Variants in APBB2 observed in about 807,000 individuals in gnomAD.
The protein encoded by APBB2 is amyloid beta precursor protein binding family B member 2.
In APBB2, 38 loss-of-function variants were observed where a neutral mutation model predicts 82.5. The observed-to-expected ratio is 0.46, with a 90% CI of 0.36 to 0.60. The LOEUF (loss-of-function observed/expected upper bound fraction) is 0.60, where lower values mean the gene tolerates loss of function less well. APBB2 is among the 20% of genes least tolerant of loss of function. APBB2 has a pLI of 0.00. For synonymous variants in APBB2, 341 were observed against 368.2 expected, an observed-to-expected ratio of 0.93 and a Z score of 0.85; for missense variants, 772 against 972.3, an observed-to-expected ratio of 0.79 and a Z score of 2.74.
chr4:41,107,930 G>A (rs1747835971), intron 2 of APBB2, among the ~76,000 whole-genome samples: 1 of 152,148 alleles, frequency 6.6e-6, no homozygotes. Flanking sequence ...TGGGAGGCGG[G>A]TATAAAAGAC....
Position 40,814,971 on chromosome 4 carries a change from CTAATG to C in APBB2, c.*1116_*1120del, listed in dbSNP as rs1396316699. On this transcript the variant is annotated 3_prime_UTR_variant, in exon 18 of 18. Transcript: ENST00000508593. ...ACATAAAATCAAGGAAAGGTTCAAC[CTAATG>C]TAATTTGTTGCCATGGACAATACAT... is the stretch of plus-strand genomic sequence containing the variant. The C allele has an allele frequency of 5.3e-5, 8 of 152,160 alleles. No individual in the cohort carries two copies. The highest frequency in any genetic ancestry group is 1.9e-4 in the African/African-American group (8 of 41,416). 9.4% of individuals were successfully genotyped at this position (152,160 alleles called of 1,614,324 possible).
At position 40,907,379 on chromosome 4, in the gene APBB2, ATTTTTT is replaced by A. The variant is rs55814804; in HGVS notation, c.1255-13974_1255-13969del. ...TATATATATATATATATATATATATATTTTTTTTTTTTTTTTTTTTTAGACAGAGTC... is the reference window on the plus strand; with the variant it reads ...TATATATATATATATATATATATATATTTTTTTTTTTTTTTAGACAGAGTC... On this transcript the variant is annotated intron_variant, in intron 10 of 17. Transcript: ENST00000508593. Among the ~76,000 whole-genome samples, 111 of 37,344 alleles carry A rather than the reference ATTTTTT, an allele frequency of 3.0e-3. 2 individuals carry two copies. The highest frequency in any genetic ancestry group is 6.0e-3 in the African/African-American group (48 of 8,012). The allele number at this position is 37,344 out of a possible 152,430, so 24.5% of individuals were successfully genotyped here.
At chr4:41,019,200 T>C (rs764215959) in intron 5 of APBB2, among the ~76,000 whole-genome samples, 2 of 152,168 alleles carry the variant, frequency 1.3e-5, no homozygotes, top group Non-Finnish European at 2.9e-5. Flanking sequence ...TTTATACTTT[T>C]TAAAGATGAG....
At position 41,079,549 on chromosome 4, in the gene APBB2, ATTTTTT is replaced by A. The variant is rs36207850; in HGVS notation, c.-148-13882_-148-13877del. ...TACCAAAGTTTTGGTAGGCTCATCA[ATTTTTT>A]TTTTTTTTTTTTGAAATGGAGTCTC... On this transcript the variant is annotated intron_variant, in intron 3 of 17. Transcript: ENST00000508593. Among the ~76,000 whole-genome samples, 82 of 145,104 alleles carry A rather than the reference ATTTTTT, an allele frequency of 5.7e-4. No individual in the cohort carries two copies. In the East Asian group the frequency reaches 0.014, roughly 24 times the overall value.
intron 2 of APBB2, among the ~76,000 whole-genome samples, chr4:41,129,701 C>A (rs1196309357): frequency 6.6e-6 from 1 of 152,030 alleles, no homozygotes; most frequent in Non-Finnish European, 1.5e-5. Context: ...AAATATTTAT[C>A]AAGTACCCAG....
chr4:41,152,417 C>T (rs1387390596), intron 1 of APBB2, among the ~76,000 whole-genome samples: 3 of 151,596 alleles, frequency 2.0e-5, no homozygotes, highest in Non-Finnish European at 2.9e-5. Flanking sequence ...CCGCCTCCTG[C>T]GTTCACACCA....
At chr4:41,058,153 C>T (rs543277647) in intron 4 of APBB2, among the ~76,000 whole-genome samples, 1 of 152,274 alleles carries the variant, frequency 6.6e-6, no homozygotes, top group East Asian at 1.9e-4. Context: ...TGTCACAGGG[C>T]TTCTTAGTCC....
chr4:40,971,378 G>C (rs1487802021), intron 6 of APBB2, among the ~76,000 whole-genome samples: 1 of 152,092 alleles, frequency 6.6e-6, no homozygotes, highest in African/African-American at 2.4e-5. Context: ...TTATAGTACT[G>C]ACAAGTGCAA....
chr4:41,085,720 A>C (rs1228957963), intron 3 of APBB2, among the ~76,000 whole-genome samples: 4 of 152,362 alleles, frequency 2.6e-5, no homozygotes, highest in African/African-American at 7.2e-5. Context: ...TCATTATTTT[A>C]AAGTGCTGAC....
At chr4:41,039,766 A>T (rs1720619601) in intron 4 of APBB2, among the ~76,000 whole-genome samples, 1 of 151,934 alleles carries the variant, frequency 6.6e-6, no homozygotes, top group African/African-American at 2.4e-5. Context: ...AGGCTGAAGC[A>T]AGAGGATTGG....
intron 3 of APBB2, among the ~76,000 whole-genome samples, chr4:41,100,282 TA>T (rs1744911054): frequency 6.6e-6 from 1 of 152,192 alleles, no homozygotes; most frequent in East Asian, 1.9e-4. Context: ...TCTAAAAGTC[TA>T]AAACACCTGA....
intron 6 of APBB2, among the ~76,000 whole-genome samples, chr4:40,949,599 A>G (rs1789508876): frequency 6.6e-6 from 1 of 151,712 alleles, no homozygotes; most frequent in South Asian, 2.1e-4. Flanking sequence ...ACGAGACGAG[A>G]GGGAGCACAA....
At chr4:40,984,404 C>T (rs1799874698) in intron 6 of APBB2, among the ~76,000 whole-genome samples, 2 of 151,936 alleles carry the variant, frequency 1.3e-5, no homozygotes, top group Non-Finnish European at 2.9e-5. Flanking sequence ...AGAAGTTGAT[C>T]ATGGAAAATA....
At chr4:41,008,555 C>G (rs530896469) in intron 6 of APBB2, among the ~76,000 whole-genome samples, 11 of 152,298 alleles carry the variant, frequency 7.2e-5, no homozygotes, top group Admixed American at 2.0e-4. Context: ...AAAGTCGTAA[C>G]TCAGAGTCCA....
intron 4 of APBB2, among the ~76,000 whole-genome samples, chr4:41,063,553 G>A (rs916271710): frequency 6.6e-6 from 1 of 152,152 alleles, no homozygotes; most frequent in Non-Finnish European, 1.5e-5. Context: ...CTGGTTGTTG[G>A]TCCGAATCCC....
At chr4:40,964,974 G>A (rs1248240112) in intron 6 of APBB2, among the ~76,000 whole-genome samples, 2 of 152,078 alleles carry the variant, frequency 1.3e-5, no homozygotes, top group African/African-American at 4.8e-5. Context: ...TAAAAAATTA[G>A]CTGGGCGTGG....
At chr4:41,187,165 C>T (rs531507728) in intron 1 of APBB2, among the ~76,000 whole-genome samples, 7 of 152,082 alleles carry the variant, frequency 4.6e-5, no homozygotes, top group Admixed American at 1.3e-4. Context: ...TACAATGATA[C>T]AAAATAAGAT....
chr4:40,870,737 T>TC (rs1020726332), intron 12 of APBB2, among the ~76,000 whole-genome samples: 3 of 149,862 alleles, frequency 2.0e-5, no homozygotes, highest in African/African-American at 7.3e-5. Flanking sequence ...ACACACTCTT[T>TC]TTTTTTTTTT....
At chr4:40,896,069 C>CTTT (rs34037610) in intron 10 of APBB2, among the ~76,000 whole-genome samples, 1 of 145,888 alleles carries the variant, frequency 6.9e-6, no homozygotes. Context: ...CAATACAGTT[C>CTTT]TTTTTTTTTT....
Sources: gnomAD v4.1 joint callset for allele counts (sites outside exome capture counted in the v4.1 genomes callset) on GRCh38, gnomAD v4.1.1 for gene constraint, MANE v1.5 for transcripts, NCBI Gene and HGNC (gene_info 2026-07-23, HGNC 2026-07-21) for gene names.